The following LRP1B variants were observed in gnomAD, a reference collection of about 807,000 sequenced individuals.
LRP1B encodes LDL receptor related protein 1B, also known as low-density lipoprotein receptor-related protein 1B.
A neutral mutation model predicts 556.6 loss-of-function variants in LRP1B; 217 were observed. The observed-to-expected ratio is 0.39, with a 90% CI of 0.35 to 0.44. The LOEUF is 0.44. LRP1B is among the 20% of genes least tolerant of loss of function. LRP1B has a pLI of 1.00. For synonymous variants in LRP1B, 2,047 were observed against 1,865.8 expected, an observed-to-expected ratio of 1.10 and a Z score of -2.50; for missense variants, 5,053 against 5,620.8, an observed-to-expected ratio of 0.90 and a Z score of 3.23.
intron 2 of LRP1B, among the ~76,000 whole-genome samples, chr2:141,604,097 T>G (rs897387254): frequency 2.6e-5 from 4 of 152,204 alleles, no homozygotes; most frequent in Non-Finnish European, 5.9e-5. Context: ...AAACAACTTC[T>G]GTGTATGAAA....
At chr2:141,031,251 T>TCACACA (rs72098612) in intron 11 of LRP1B, among the ~76,000 whole-genome samples, 7,220 of 121,334 alleles carry the variant, frequency 0.06, 335 homozygotes, top group East Asian at 0.25. Flanking sequence ...TATATACATA[T>TCACACA]CACACACACA....
chr2:142,054,121 A>G (rs1287461647), intron 1 of LRP1B, among the ~76,000 whole-genome samples: 1 of 152,178 alleles, frequency 6.6e-6, no homozygotes, highest in Non-Finnish European at 1.5e-5. Context: ...AACACGGGAG[A>G]AAACATTGAA....
chr2:141,304,562 C>T (rs1223443107), intron 3 of LRP1B, among the ~76,000 whole-genome samples: 1 of 149,700 alleles, frequency 6.7e-6, no homozygotes, highest in Non-Finnish European at 1.5e-5. Context: ...TCACTGCAAC[C>T]TCCACCTCCT....
intron 6 of LRP1B, 69 bp from the exon 7 acceptor site, chr2:141,188,652 A>G (rs2105194483): frequency 7.3e-7 from 1 of 1,370,850 alleles, no homozygotes; most frequent in South Asian, 1.2e-5. Context: ...AAAATAACAT[A>G]AGTGTTTCCA....
chr2:140,560,274 G>T (rs1358875825), intron 43 of LRP1B, among the ~76,000 whole-genome samples: 1 of 152,038 alleles, frequency 6.6e-6, no homozygotes, highest in Non-Finnish European at 1.5e-5. Flanking sequence ...AAGGAAATCT[G>T]GTCATCAAAT....
intron 1 of LRP1B, among the ~76,000 whole-genome samples, chr2:141,875,636 T>A (rs1408221655): frequency 6.6e-6 from 1 of 151,984 alleles, no homozygotes; most frequent in Non-Finnish European, 1.5e-5. Context: ...TCTCAGTCAG[T>A]AGTCTTTCTC....
chr2:141,665,816 A>G (rs1350589862), intron 2 of LRP1B, among the ~76,000 whole-genome samples: 1 of 152,082 alleles, frequency 6.6e-6, no homozygotes, highest in South Asian at 2.1e-4. Flanking sequence ...CTCAGCAAAC[A>G]AACTAGGTAC....
At chr2:141,713,348 G>A (rs2105482200) in intron 2 of LRP1B, among the ~76,000 whole-genome samples, 2 of 152,216 alleles carry the variant, frequency 1.3e-5, no homozygotes, top group South Asian at 4.1e-4. Context: ...AAGTTTATAT[G>A]TATTTTAAAA....
chr2:140,675,475 A>G (rs965725174), intron 41 of LRP1B, among the ~76,000 whole-genome samples: 3 of 152,244 alleles, frequency 2.0e-5, no homozygotes, highest in East Asian at 1.9e-4. Context: ...TGATTAAGTT[A>G]TAACATTTCA....
intron 1 of LRP1B, among the ~76,000 whole-genome samples, chr2:142,096,502 C>G (rs1025400400): frequency 6.6e-6 from 1 of 150,624 alleles, no homozygotes; most frequent in South Asian, 2.1e-4. Context: ...TAGGCATTTA[C>G]CTTTATGGTG....
At chr2:140,942,627 G>A (rs1695433549) in intron 20 of LRP1B, among the ~76,000 whole-genome samples, 1 of 152,034 alleles carries the variant, frequency 6.6e-6, no homozygotes, top group East Asian at 1.9e-4. Flanking sequence ...GAGATCGTGA[G>A]CCTATTTTTA....
chr2:141,782,120 T>G (rs2105640871), intron 2 of LRP1B, among the ~76,000 whole-genome samples: 1 of 152,234 alleles, frequency 6.6e-6, no homozygotes, highest in Admixed American at 6.6e-5. Context: ...GCTAGAAAAA[T>G]GCTGCAGTGA....
intron 2 of LRP1B, among the ~76,000 whole-genome samples, chr2:141,543,780 A>G (rs1685357608): frequency 1.3e-5 from 2 of 152,016 alleles, no homozygotes; most frequent in Non-Finnish European, 2.9e-5. Flanking sequence ...CTTATTGAAC[A>G]TGGAGCACAA....
At position 142,080,911 on chromosome 2, in the gene LRP1B, G is replaced by T. The variant is rs116166184; in HGVS notation, c.82+49737C>A. ...TACTGCTAGTGCCTTTCCTAGCTTA[G>T]AGTTCTGTAGAAATAGTTCTCAAGT... On this transcript the variant is annotated intron_variant, in intron 1 of 90. Coordinates refer to ENST00000389484, the MANE Select transcript of LRP1B (RefSeq NM_018557.3). Among the ~76,000 whole-genome samples the T allele has an allele frequency of 3.6e-3, 528 of 147,682 alleles. 5 individuals carry two copies. Among genetic ancestry groups the T allele is most frequent in the African/African-American group, 0.012 (503 of 40,788 alleles).
chr2:140,526,369 A>G lies in LRP1B; in HGVS notation c.7763-19T>C. 7.3e-7 allele frequency: 1 copy of G among 1,372,958 alleles called. No homozygotes were observed. The highest frequency in any genetic ancestry group is 1.0e-6 in the Non-Finnish European group (1 of 961,182). The allele number at this position is 1,372,958 out of a possible 1,614,324, so 85.0% of individuals were successfully genotyped here. A position where few individuals can be genotyped will look rare whatever the true frequency, so the allele number is the denominator to read the frequency against. The stretch of plus-strand genomic sequence containing the variant: ...GTTGAAACTAGAAAAACAGGTACAT[A>G]AACAAATGCAAAGATGGGACAGAAT... On this transcript the variant is annotated intron_variant, in intron 47 of 90. Transcript: ENST00000389484.
chr2:141,948,066 C>G (rs4662312), intron 1 of LRP1B, among the ~76,000 whole-genome samples: 68,911 of 151,652 alleles, frequency 0.45, 15,796 homozygotes, highest in Admixed American at 0.53. Context: ...GTGAGGCCGC[C>G]GTGGGCAGAT....
intron 23 of LRP1B, among the ~76,000 whole-genome samples, chr2:140,897,133 A>G (rs1693977207): frequency 6.6e-6 from 1 of 152,260 alleles, no homozygotes; most frequent in Non-Finnish European, 1.5e-5. Context: ...AAAAGATGAA[A>G]TATACTTTTA....
chr2:140,964,298 C>A (rs1207178311), intron 18 of LRP1B, among the ~76,000 whole-genome samples: 1 of 152,140 alleles, frequency 6.6e-6, no homozygotes, highest in Non-Finnish European at 1.5e-5. Flanking sequence ...CACTGAAGCA[C>A]AGCATCACAG....
chr2:140,296,417 G>A (rs1466083914), intron 84 of LRP1B, among the ~76,000 whole-genome samples: 1 of 152,038 alleles, frequency 6.6e-6, no homozygotes, highest in Non-Finnish European at 1.5e-5. Context: ...GAAAAATCTT[G>A]GGGTAAAAAC....
Sources: allele counts gnomAD v4.1 joint callset (sites outside exome capture counted in the v4.1 genomes callset), GRCh38; gene constraint gnomAD v4.1.1; transcripts MANE v1.5; gene names NCBI Gene and HGNC (gene_info 2026-07-23, HGNC 2026-07-21).